The following EEIG1 variants were observed in gnomAD, a reference collection of about 807,000 sequenced individuals.
EEIG1 encodes estrogen-induced osteoclastogenesis regulator 1.
At chr9:127,944,343 G>A in the EEIG1 span, 2 of 580,952 alleles carry the variant, frequency 3.4e-6, no homozygotes, top group African/African-American at 3.7e-5. Flanking sequence ...CATGTGCTGA[G>A]CCCTGCACCA....
the EEIG1 span, among the ~76,000 whole-genome samples, chr9:127,974,107 G>A: frequency 6.6e-6 from 1 of 152,152 alleles, no homozygotes; most frequent in Non-Finnish European, 1.5e-5. Context: ...CTAAGTACTA[G>A]GCATGATGCC....
chr9:127,972,269 C>T, the EEIG1 span, among the ~76,000 whole-genome samples: 4 of 152,154 alleles, frequency 2.6e-5, no homozygotes, highest in Non-Finnish European at 5.9e-5. This position sits in a 1 kb window ranked among gnomAD's most constrained non-coding sequence, Gnocchi z 4.3. Flanking sequence ...CACTGGGGAC[C>T]CTGAGCTCAG....
chr9:127,972,626 G>C, the EEIG1 span: 1 of 152,342 alleles, frequency 6.6e-6, no homozygotes. The surrounding 1 kb of genome is among the most constrained non-coding windows in gnomAD (Gnocchi z 4.3). Flanking sequence ...GCAGAAGCAG[G>C]ATGGAAATGT....
the EEIG1 span, among the ~76,000 whole-genome samples, chr9:127,955,928 G>C: frequency 4.6e-4 from 70 of 152,354 alleles, no homozygotes; most frequent in Non-Finnish European, 1.2e-4. Flanking sequence ...CTGCTGTTGT[G>C]GGAGCACTGA....
the EEIG1 span, among the ~76,000 whole-genome samples, chr9:127,956,861 T>C: frequency 2.6e-5 from 4 of 152,160 alleles, no homozygotes; most frequent in Non-Finnish European, 5.9e-5. Flanking sequence ...ATTACAGGCA[T>C]GTACCACAAC....
chr9:127,952,587 G>A, the EEIG1 span, among the ~76,000 whole-genome samples: 2 of 152,236 alleles, frequency 1.3e-5, no homozygotes, highest in Admixed American at 1.3e-4. Context: ...CAGCAGGGCT[G>A]GCTGAGTCAA....
the EEIG1 span, among the ~76,000 whole-genome samples, chr9:127,957,423 A>G: frequency 6.6e-6 from 1 of 152,244 alleles, no homozygotes; most frequent in African/African-American, 2.4e-5. Flanking sequence ...TACAAAATAC[A>G]TACTCCGGAA....
At chr9:127,953,755 G>A in the EEIG1 span, 5 of 1,613,782 alleles carry the variant, frequency 3.1e-6, no homozygotes, top group Non-Finnish European at 4.2e-6. Context: ...CTCATGAGGG[G>A]AGGGGCCTAT....
chr9:127,958,301 A>G, the EEIG1 span, among the ~76,000 whole-genome samples: 1 of 152,230 alleles, frequency 6.6e-6, no homozygotes, highest in Admixed American at 6.5e-5. Flanking sequence ...TTAGGCAACT[A>G]TTTCCTGGAT....
chr9:127,946,282 TCTGGCCCAAAGGGACAGGCCCACAGTC>T, the EEIG1 span, among the ~76,000 whole-genome samples: 1 of 152,126 alleles, frequency 6.6e-6, no homozygotes, highest in Non-Finnish European at 1.5e-5. Context: ...GGGCGAGCGG[TCTGGCCCAAAGGGACAGGCCCACAGTC>T]CTGTCCCAAG....
At chr9:127,964,774 G>A in the EEIG1 span, among the ~76,000 whole-genome samples, 1 of 152,160 alleles carries the variant, frequency 6.6e-6, no homozygotes, top group South Asian at 2.1e-4. Context: ...AAAGAGAGGG[G>A]TGAGGTCCAG....
chr9:127,948,006 C>T, the EEIG1 span: 2 of 1,535,460 alleles, frequency 1.3e-6, no homozygotes, highest in Non-Finnish European at 8.8e-7. Flanking sequence ...GGGACCTGGG[C>T]ATGACATGGA....
At chr9:127,947,527 T>A in the EEIG1 span, among the ~76,000 whole-genome samples, 1 of 152,186 alleles carries the variant, frequency 6.6e-6, no homozygotes, top group Non-Finnish European at 1.5e-5. Flanking sequence ...CAAAGTGACC[T>A]GGGATGTAAT....
At chr9:127,953,308 C>T in the EEIG1 span, 1 of 512,862 alleles carries the variant, frequency 1.9e-6, no homozygotes, top group Non-Finnish European at 3.4e-6. Context: ...TAATGGGGTC[C>T]CAGAAAGAGG....
the EEIG1 span, chr9:127,948,358 C>T: frequency 6.2e-7 from 1 of 1,614,102 alleles, no homozygotes. Context: ...AGGCCTGTGC[C>T]AGCACTCACG....
At chr9:127,969,296 A>G in the EEIG1 span, among the ~76,000 whole-genome samples, 1 of 152,176 alleles carries the variant, frequency 6.6e-6, no homozygotes, top group Non-Finnish European at 1.5e-5. Context: ...TGGCCAAGGC[A>G]ATGGCCTGGT....
At chr9:127,964,081 A>G in the EEIG1 span, among the ~76,000 whole-genome samples, 1 of 152,088 alleles carries the variant, frequency 6.6e-6, no homozygotes, top group Admixed American at 6.5e-5. Flanking sequence ...TCCCAGGAAG[A>G]GCCTCCCTGG....
At chr9:127,955,898 G>C in the EEIG1 span, among the ~76,000 whole-genome samples, 6 of 152,352 alleles carry the variant, frequency 3.9e-5, no homozygotes, top group South Asian at 1.0e-3. Flanking sequence ...ACTCACTGGG[G>C]CACACCGCCC....
the EEIG1 span, chr9:127,944,998 A>C: frequency 2.9e-6 from 4 of 1,403,372 alleles, no homozygotes; most frequent in South Asian, 2.6e-5. Flanking sequence ...AGCGGCGCTC[A>C]GAATGTCCCT....
Sources: gnomAD v4.1 joint callset for allele counts (sites outside exome capture counted in the v4.1 genomes callset) on GRCh38, gnomAD v4.1.1 for gene constraint, Gnocchi (gnomAD v3.1) non-coding constraint, MANE v1.5 for transcripts, NCBI Gene and HGNC (gene_info 2026-07-23, HGNC 2026-07-21) for gene names.